The following PINX1 variants were observed in gnomAD, a reference collection of about 807,000 sequenced individuals.
PINX1 encodes the protein PIN2/TERF1-interacting telomerase inhibitor 1.
A neutral mutation model predicts 25.4 loss-of-function variants in PINX1; 34 were observed. That is an observed-to-expected ratio of 1.34 (90% confidence interval 1.02 to 1.78). The LOEUF is 1.78. PINX1 is among the 40% of genes most tolerant of loss of function. The pLI, the probability that PINX1 is intolerant of heterozygous loss-of-function variation, is 0.00. For synonymous variants in PINX1, 197 were observed against 147.7 expected, an observed-to-expected ratio of 1.33 and a Z score of -2.42; for missense variants, 592 against 404.9, an observed-to-expected ratio of 1.46 and a Z score of -3.97.
At chr8:10,820,046 G>T in intron 6 of PINX1, 147 bp downstream of exon 6, 1 of 590,990 alleles carries the variant, frequency 1.7e-6, no homozygotes, top group Non-Finnish European at 3.1e-6. Flanking sequence ...TTATGAAAAG[G>T]ATCATATCTA....
At chr8:10,768,544 G>A (rs1268768501) in intron 6 of PINX1, among the ~76,000 whole-genome samples, 2 of 152,126 alleles carry the variant, frequency 1.3e-5, no homozygotes, top group African/African-American at 4.8e-5. Context: ...GGCAGGGCAT[G>A]GAGACAGGCT....
intron 6 of PINX1, chr8:10,787,738 T>A (rs1222445439): frequency 4.4e-6 from 2 of 452,032 alleles, no homozygotes; most frequent in South Asian, 3.2e-5. Flanking sequence ...GTGAATACAT[T>A]AAAGCCCACT....
intron 6 of PINX1, among the ~76,000 whole-genome samples, chr8:10,798,673 C>T (rs989713016): frequency 6.6e-5 from 10 of 152,226 alleles, no homozygotes; most frequent in African/African-American, 2.4e-4. Context: ...TCCTCAATTA[C>T]TTTTGCAACT....
At chr8:10,779,753 C>G (rs1008275675) in intron 6 of PINX1, among the ~76,000 whole-genome samples, 1 of 152,146 alleles carries the variant, frequency 6.6e-6, no homozygotes, top group African/African-American at 2.4e-5. Context: ...GGCAATATGA[C>G]TATAAACTCA....
rs577041619 is a variant in PINX1 at position 10,815,114 on chromosome 8, A to C, written c.471+5079T>G. Among the ~76,000 whole-genome samples, 3 of 152,116 alleles carry C rather than the reference A, an allele frequency of 2.0e-5. No individual in the cohort carries two copies. In the East Asian group the frequency reaches 5.8e-4, roughly 30 times the overall value. ...TGCCACTGAGCCTGGCTAATTTTTTAAATTTTTGGTAGAGACGATGTCTCA... is the reference window on the plus strand; with the variant it reads ...TGCCACTGAGCCTGGCTAATTTTTTCAATTTTTGGTAGAGACGATGTCTCA... On this transcript the variant is annotated intron_variant, in intron 6 of 6. Transcript: ENST00000314787.
At chr8:10,798,716 C>T (rs547179982) in intron 6 of PINX1, among the ~76,000 whole-genome samples, 1 of 152,302 alleles carries the variant, frequency 6.6e-6, no homozygotes, top group Admixed American at 6.5e-5. Flanking sequence ...TTTCTAAATT[C>T]AGAAAAGGTG....
intron 6 of PINX1, among the ~76,000 whole-genome samples, chr8:10,796,489 T>C (rs926140499): frequency 7.8e-4 from 119 of 152,102 alleles, no homozygotes; most frequent in African/African-American, 2.7e-3. Context: ...TGAAGAACTC[T>C]CTATGAGAGG....
At chr8:10,826,652 A>G (rs1798056490) in intron 4 of PINX1, among the ~76,000 whole-genome samples, 1 of 152,226 alleles carries the variant, frequency 6.6e-6, no homozygotes, top group Non-Finnish European at 1.5e-5. Context: ...CCATCCTTAC[A>G]GTGGAATACC....
At chr8:10,779,971 G>C (rs1801531215) in intron 6 of PINX1, among the ~76,000 whole-genome samples, 1 of 152,114 alleles carries the variant, frequency 6.6e-6, no homozygotes, top group Admixed American at 6.5e-5. Context: ...TCTTACACTA[G>C]ATTGGAAGGA....
chr8:10,834,536 T>C (rs1014455277), intron 2 of PINX1, 130 bp downstream of exon 2: 1 of 1,341,888 alleles, frequency 7.5e-7, no homozygotes, highest in Non-Finnish European at 9.9e-7. Context: ...ACAACAATTT[T>C]TGATTTGGGA....
intron 6 of PINX1, among the ~76,000 whole-genome samples, chr8:10,800,584 C>G (rs1255948203): frequency 6.6e-6 from 1 of 151,926 alleles, no homozygotes; most frequent in Non-Finnish European, 1.5e-5. Flanking sequence ...ATTCTCCTAC[C>G]TCAGCCTCCT....
intron 6 of PINX1, among the ~76,000 whole-genome samples, chr8:10,778,494 G>C (rs746475861): frequency 6.6e-6 from 1 of 152,156 alleles, no homozygotes; most frequent in Non-Finnish European, 1.5e-5. Context: ...TAGGGTTCAA[G>C]TGAGAGGCAG....
At chr8:10,778,357 C>T (rs754854586) in intron 6 of PINX1, among the ~76,000 whole-genome samples, 4 of 152,148 alleles carry the variant, frequency 2.6e-5, no homozygotes, top group East Asian at 1.9e-4. Flanking sequence ...ACATCCCTCT[C>T]GTTTTTGCAA....
At chr8:10,766,487 A>G (rs1801052267) in intron 6 of PINX1, among the ~76,000 whole-genome samples, 1 of 152,178 alleles carries the variant, frequency 6.6e-6, no homozygotes, top group South Asian at 2.1e-4. Flanking sequence ...CCAAAGGTGG[A>G]GCGTGGCCGC....
At chr8:10,822,069 T>C (rs981681124) in intron 5 of PINX1, 3 of 152,196 alleles carry the variant, frequency 2.0e-5, no homozygotes, top group African/African-American at 4.8e-5. Flanking sequence ...TTTAGCAAAG[T>C]TCACTTAAGT....
intron 6 of PINX1, among the ~76,000 whole-genome samples, chr8:10,777,363 G>C (rs905633156): frequency 6.6e-6 from 1 of 152,224 alleles, no homozygotes; most frequent in Non-Finnish European, 1.5e-5. Flanking sequence ...TGAAGTCCTT[G>C]CTGCCGGGAG....
chr8:10,801,684 T>C (rs1474249900), intron 6 of PINX1, among the ~76,000 whole-genome samples: 4 of 152,068 alleles, frequency 2.6e-5, no homozygotes, highest in African/African-American at 7.2e-5. Context: ...TGAGCCTAAG[T>C]TTCTGACTTT....
At chr8:10,828,843 A>G (rs1001821005) in intron 4 of PINX1, among the ~76,000 whole-genome samples, 1 of 152,172 alleles carries the variant, frequency 6.6e-6, no homozygotes, top group Admixed American at 6.5e-5. Context: ...AAGGGAAAAT[A>G]CTGTTGTCAA....
chr8:10,818,443 C>T (rs1797767120), intron 6 of PINX1, among the ~76,000 whole-genome samples: 1 of 152,168 alleles, frequency 6.6e-6, no homozygotes, highest in African/African-American at 2.4e-5. Context: ...GGATCAGAAA[C>T]CTCTGATCTC....
Sources: gnomAD v4.1 joint callset for allele counts (sites outside exome capture counted in the v4.1 genomes callset) on GRCh38, gnomAD v4.1.1 for gene constraint, MANE v1.5 for transcripts, NCBI Gene and HGNC (gene_info 2026-07-23, HGNC 2026-07-21) for gene names.